The following FABP3 variants were observed in gnomAD, a reference collection of about 807,000 sequenced individuals.
FABP3 encodes the protein fatty acid-binding protein, heart.
In FABP3, 8 loss-of-function variants were observed where a neutral mutation model predicts 13.4. That is an observed-to-expected ratio of 0.60 (90% CI 0.35 to 1.07). FABP3 has a LOEUF of 1.07. FABP3 is among the 50% of genes least tolerant of loss of function. The pLI, the probability that FABP3 is intolerant of heterozygous loss-of-function variation, is 0.02. For missense variants in FABP3, 135 were observed against 164.7 expected, an observed-to-expected ratio of 0.82 and a Z score of 0.99; for synonymous variants, 64 against 60.0, an observed-to-expected ratio of 1.07 and a Z score of -0.31.
intron 2 of FABP3, 64 bp from the exon 3 acceptor site, chr1:31,367,558 T>C: frequency 7.2e-7 from 1 of 1,385,984 alleles, no homozygotes; most frequent in South Asian, 1.2e-5. Flanking sequence ...CAGGGTGGGG[T>C]CTGGACACTG....
chr1:31,359,655 A>T, the FABP3 span, among the ~76,000 whole-genome samples: 1 of 151,994 alleles, frequency 6.6e-6, no homozygotes, highest in Non-Finnish European at 1.5e-5. Context: ...CCTGTTTCAG[A>T]ACTATAGTGA....
In FABP3 at chr1:31,365,875, G is replaced by C; in HGVS notation, c.*11C>G. ...ATTGGCAGAGTAGTAGTCAGCAACA[G>C]TGCAGTCAGGTCATGCCTCTTTCTC... On this transcript the variant is annotated 3_prime_UTR_variant, in exon 4 of 4. Coordinates refer to ENST00000373713, the MANE Select transcript of FABP3 (RefSeq NM_004102.5). 6.2e-7 allele frequency: 1 copy of C among 1,613,626 alleles called. No homozygotes were observed. The highest frequency in any genetic ancestry group is 1.3e-5 in the African/African-American group (1 of 75,026).
At chr1:31,366,094 G>C (rs1640107447) in intron 3 of FABP3, among the ~76,000 whole-genome samples, 155 bp from the exon 4 acceptor site, 1 of 105,692 alleles carries the variant, frequency 9.5e-6, no homozygotes, top group African/African-American at 3.5e-5. Context: ...GTGTGTGTGT[G>C]TGTGTATACA....
At chr1:31,359,855 T>A in the FABP3 span, among the ~76,000 whole-genome samples, 1 of 152,230 alleles carries the variant, frequency 6.6e-6, no homozygotes, top group African/African-American at 2.4e-5. Context: ...CCATGTCATT[T>A]TTTTTTAACC....
At chr1:31,360,203 C>T in the FABP3 span, among the ~76,000 whole-genome samples, 2 of 149,822 alleles carry the variant, frequency 1.3e-5, no homozygotes. Context: ...GAGTTTCGCT[C>T]TTGTTGCCCA....
chr1:31,372,881 G>A, intron 1 of FABP3, 61 bp downstream of exon 1: 1 of 1,488,086 alleles, frequency 6.7e-7, no homozygotes, highest in Middle Eastern at 1.7e-4. Flanking sequence ...GTGCTGCGTG[G>A]GGCTAGGCAC....
chr1:31,363,532 CTGT>C (rs1201362345), downstream of FABP3, among the ~76,000 whole-genome samples: 4 of 152,178 alleles, frequency 2.6e-5, no homozygotes, highest in African/African-American at 9.6e-5. Flanking sequence ...TGTCTCACAC[CTGT>C]AATCACAGCA....
intron 1 of FABP3, among the ~76,000 whole-genome samples, chr1:31,370,103 C>CAAAAA (rs10645207): frequency 7.2e-6 from 1 of 139,282 alleles, no homozygotes; most frequent in Non-Finnish European, 1.5e-5. Context: ...GATTCCACCT[C>CAAAAA]AAAAAAAAAA....
intron 2 of FABP3, chr1:31,369,181 G>A: frequency 3.4e-6 from 2 of 581,448 alleles, no homozygotes; most frequent in Non-Finnish European, 3.0e-6. Context: ...AAGAAGGGAG[G>A]GAAGAAAACA....
chr1:31,364,268 C>G, downstream of FABP3: 1 of 1,517,478 alleles, frequency 6.6e-7, no homozygotes, highest in Non-Finnish European at 8.8e-7. Flanking sequence ...TGGAAAGACT[C>G]AATAGTGAGA....
At chr1:31,369,709 C>G in intron 1 of FABP3, 152 bp from the exon 2 acceptor site, 1 of 696,386 alleles carries the variant, frequency 1.4e-6, no homozygotes, top group South Asian at 1.9e-5. Flanking sequence ...TTCAGTCTTG[C>G]GCTTAGTTCT....
downstream of FABP3, chr1:31,363,950 A>G (rs921226752): frequency 3.2e-6 from 5 of 1,542,288 alleles, no homozygotes; most frequent in East Asian, 2.3e-5. Flanking sequence ...GGTGTGAGCC[A>G]CTGCACCTGG....
chr1:31,370,118 A>AAT (rs1640181423), intron 1 of FABP3, among the ~76,000 whole-genome samples: 1 of 151,068 alleles, frequency 6.6e-6, no homozygotes, highest in Non-Finnish European at 1.5e-5. Context: ...AAAAAAAAAA[A>AAT]GCTACTATTA....
In FABP3 at chr1:31,367,377, A is replaced by G; in HGVS notation, c.348+16T>C. ...TAATAACCAATCAGATATAGCTCCA[A>G]AGTTGCCCATCTTACCAGGATGAGT... On this transcript the variant is annotated intron_variant, in intron 3 of 3. Transcript: ENST00000373713. 1.9e-6 allele frequency: 3 copies of G among 1,603,222 alleles called. No individual in the cohort carries two copies. Among genetic ancestry groups the G allele is most frequent in the Non-Finnish European group, 2.6e-6 (3 of 1,170,076 alleles).
Position 31,365,844 on chromosome 1 carries a change from T to C in FABP3, c.*42A>G, listed in dbSNP as rs1341795437. ...GGCAATGTGGTGCTGAGTCGAGGGG[T>C]AGCCGATTGGCAGAGTAGTAGTCAG... On this transcript the variant is annotated 3_prime_UTR_variant, in exon 4 of 4. Coordinates refer to ENST00000373713, the MANE Select transcript of FABP3 (RefSeq NM_004102.5). 6.9e-6 allele frequency: 11 copies of C among 1,587,220 alleles called. No individual in the cohort carries two copies. The highest frequency in any genetic ancestry group is 9.5e-6 in the Non-Finnish European group (11 of 1,155,960).
At chr1:31,364,723 C>CT (rs1640066276), downstream of FABP3, 1 of 154,226 alleles carries the variant, frequency 6.5e-6, no homozygotes, top group Non-Finnish European at 1.4e-5. Context: ...TAACATAGTT[C>CT]TACTATGCTA....
intron 1 of FABP3, among the ~76,000 whole-genome samples, chr1:31,371,146 C>A (rs1465494792): frequency 6.6e-6 from 1 of 152,228 alleles, no homozygotes; most frequent in Non-Finnish European, 1.5e-5. Flanking sequence ...GACCTCTTTG[C>A]CCCTTGAGAG....
In FABP3 at chr1:31,365,965, G is replaced by C. The variant is rs534569223; in HGVS notation, c.349-26C>G. 4.5e-5 allele frequency: 73 copies of C among 1,611,440 alleles called. 1 individual carries two copies. In the South Asian group the frequency reaches 7.3e-4, roughly 16 times the overall value. ...CTGGAAGGAAAGACAGAGTGAGATG[G>C]GGGGTGGAGCCAGGAACACCATTGC... On this transcript the variant is annotated intron_variant, in intron 3 of 3. Coordinates refer to ENST00000373713, the MANE Select transcript of FABP3 (RefSeq NM_004102.5).
At chr1:31,371,807 G>A (rs1453087832) in intron 1 of FABP3, among the ~76,000 whole-genome samples, 1 of 152,224 alleles carries the variant, frequency 6.6e-6, no homozygotes, top group Non-Finnish European at 1.5e-5. Flanking sequence ...GCCCAAGATA[G>A]GGTAGAGGCC....
Sources: allele counts gnomAD v4.1 joint callset (sites outside exome capture counted in the v4.1 genomes callset), GRCh38; gene constraint gnomAD v4.1.1; transcripts MANE v1.5; gene names NCBI Gene and HGNC (gene_info 2026-07-23, HGNC 2026-07-21).